The following AGBL4 variants were observed in gnomAD, a reference collection of about 807,000 sequenced individuals.
AGBL4 encodes cytosolic carboxypeptidase 6.
A neutral mutation model predicts 66.4 loss-of-function variants in AGBL4; 58 were observed. That is an observed-to-expected ratio of 0.87 (90% CI 0.71 to 1.09). AGBL4 has a LOEUF of 1.09. AGBL4 is among the 50% of genes least tolerant of loss of function. AGBL4 has a pLI of 0.00. For synonymous variants in AGBL4, 234 were observed against 222.9 expected (o/e 1.05, Z -0.44); for missense variants, 579 against 631.0 (o/e 0.92, Z 0.88).
intron 2 of AGBL4, among the ~76,000 whole-genome samples, chr1:49,709,230 T>C (rs1188558788): frequency 6.6e-6 from 1 of 152,234 alleles, no homozygotes; most frequent in Admixed American, 6.5e-5. Context: ...CTGGGGCTGC[T>C]GCCTTTCTTT....
chr1:49,199,610 G>A (rs1449098796), intron 4 of AGBL4, among the ~76,000 whole-genome samples: 3 of 152,080 alleles, frequency 2.0e-5, no homozygotes, highest in Non-Finnish European at 2.9e-5. Flanking sequence ...TTCTTATGTA[G>A]ACTACTAGTC....
chr1:48,809,886 C>T (rs1402713011), intron 6 of AGBL4, among the ~76,000 whole-genome samples: 3 of 152,110 alleles, frequency 2.0e-5, no homozygotes, highest in African/African-American at 7.2e-5. Flanking sequence ...TTCCTCCTTC[C>T]TCAGTTTTAT....
chr1:49,029,738 GA>G (rs1664053410), intron 5 of AGBL4, among the ~76,000 whole-genome samples: 1 of 152,102 alleles, frequency 6.6e-6, no homozygotes, highest in Admixed American at 6.5e-5. Context: ...TCTTGAAGAA[GA>G]AAAAGTTGGA....
At chr1:49,113,086 G>T (rs1007286427) in intron 4 of AGBL4, among the ~76,000 whole-genome samples, 1 of 151,942 alleles carries the variant, frequency 6.6e-6, no homozygotes, top group Non-Finnish European at 1.5e-5. Context: ...GAGTAGCTGG[G>T]ACTACAGGCG....
chr1:49,600,661 G>C (rs74355415), intron 3 of AGBL4, among the ~76,000 whole-genome samples: 1 of 152,142 alleles, frequency 6.6e-6, no homozygotes, highest in Admixed American at 6.5e-5. Flanking sequence ...TATGATGCTA[G>C]CTGGTTATTT....
intron 11 of AGBL4, among the ~76,000 whole-genome samples, chr1:48,545,755 C>T (rs1226095446): frequency 6.6e-6 from 1 of 152,122 alleles, no homozygotes; most frequent in African/African-American, 2.4e-5. Flanking sequence ...CTGGGATTGT[C>T]CTAAACTTGG....
At chr1:49,228,660 T>C (rs1324139230) in intron 4 of AGBL4, among the ~76,000 whole-genome samples, 1 of 152,114 alleles carries the variant, frequency 6.6e-6, no homozygotes, top group Non-Finnish European at 1.5e-5. Flanking sequence ...TGGTAAGAGA[T>C]GAAGTGAGTA....
At chr1:48,639,254 C>G (rs1382768362) in intron 8 of AGBL4, among the ~76,000 whole-genome samples, 1 of 152,198 alleles carries the variant, frequency 6.6e-6, no homozygotes, top group Admixed American at 6.5e-5. Flanking sequence ...GCATGGGCAC[C>G]TTTTGAGCTG....
chr1:49,219,474 G>A (rs960262901), intron 4 of AGBL4, among the ~76,000 whole-genome samples: 11 of 152,108 alleles, frequency 7.2e-5, no homozygotes, highest in African/African-American at 1.7e-4. Flanking sequence ...GAAAGCAGCC[G>A]AAAAGTGACA....
intron 3 of AGBL4, among the ~76,000 whole-genome samples, chr1:49,624,000 A>AGTGTGTGT (rs1413308536): frequency 7.2e-6 from 1 of 139,054 alleles, no homozygotes; most frequent in African/African-American, 3.2e-5. Flanking sequence ...TTGATGAGAG[A>AGTGTGTGT]GAGTGTGTGT....
At chr1:49,156,066 G>A (rs1569860897) in intron 4 of AGBL4, among the ~76,000 whole-genome samples, 1 of 152,272 alleles carries the variant, frequency 6.6e-6, no homozygotes. Flanking sequence ...CTGAATCTCT[G>A]ACTCTTGTTT....
intron 11 of AGBL4, among the ~76,000 whole-genome samples, chr1:48,570,872 A>G (rs1385740669): frequency 1.3e-5 from 2 of 152,190 alleles, no homozygotes; most frequent in African/African-American, 4.8e-5. Flanking sequence ...GAGGGAACTC[A>G]AAAGAAGAAT....
intron 3 of AGBL4, 58 bp downstream of exon 3, chr1:49,697,255 G>C (rs1263897294): frequency 6.8e-7 from 1 of 1,476,950 alleles, no homozygotes; most frequent in African/African-American, 1.4e-5. Context: ...TCTAAAAGAA[G>C]ACAAAAGCAT....
chr1:49,890,395 C>A (rs576426855), intron 1 of AGBL4, among the ~76,000 whole-genome samples: 14 of 152,188 alleles, frequency 9.2e-5, no homozygotes, highest in African/African-American at 3.4e-4. Context: ...GGGGCCCTTG[C>A]AGCAAATATT....
intron 9 of AGBL4, among the ~76,000 whole-genome samples, chr1:48,602,999 T>C (rs2148366814): frequency 6.6e-6 from 1 of 152,212 alleles, no homozygotes; most frequent in South Asian, 2.1e-4. Context: ...AACCATTCAA[T>C]TAGTGGTGGT....
intron 6 of AGBL4, among the ~76,000 whole-genome samples, chr1:48,707,293 C>T (rs932754543): frequency 6.6e-6 from 1 of 151,900 alleles, no homozygotes; most frequent in African/African-American, 2.4e-5. Flanking sequence ...GACCCTATAT[C>T]CAAAACAACA....
intron 3 of AGBL4, among the ~76,000 whole-genome samples, chr1:49,537,484 A>G (rs1651684369): frequency 6.6e-6 from 1 of 152,244 alleles, no homozygotes. Flanking sequence ...AAAGTGGGAA[A>G]GGGACACGAA....
chr1:49,694,692 C>T (rs1208615141), intron 3 of AGBL4, among the ~76,000 whole-genome samples: 1 of 152,084 alleles, frequency 6.6e-6, no homozygotes, highest in Non-Finnish European at 1.5e-5. Context: ...GCAAAAGAGG[C>T]TGTATAGCTT....
chr1:49,027,161 A>AT (rs374845289), intron 5 of AGBL4, among the ~76,000 whole-genome samples: 6 of 151,454 alleles, frequency 4.0e-5, no homozygotes, highest in Non-Finnish European at 8.9e-5. Flanking sequence ...TTAACTGCTA[A>AT]TTTTTTTTTC....
Sources: gnomAD v4.1 joint callset for allele counts (sites outside exome capture counted in the v4.1 genomes callset) on GRCh38, gnomAD v4.1.1 for gene constraint, MANE v1.5 for transcripts, NCBI Gene and HGNC (gene_info 2026-07-23, HGNC 2026-07-21) for gene names.